The following GRIA2 variants were observed in gnomAD, a reference collection of about 807,000 sequenced individuals.
GRIA2 encodes the protein glutamate receptor 2.
Under a neutral mutation model 97.3 loss-of-function variants are expected in GRIA2, and 14 were observed. The observed-to-expected ratio is 0.14, with a 90% CI of 0.10 to 0.23. GRIA2 has a LOEUF of 0.23. Ranked by LOEUF, GRIA2 falls within the 10% of genes least tolerant of loss-of-function variation. The pLI, the probability that GRIA2 is intolerant of heterozygous loss-of-function variation, is 1.00. For synonymous variants in GRIA2, 412 were observed against 387.8 expected, an observed-to-expected ratio of 1.06 and a Z score of -0.73; for missense variants, 558 against 1,069.8, an observed-to-expected ratio of 0.52 and a Z score of 6.67.
intron 2 of GRIA2, among the ~76,000 whole-genome samples, chr4:157,225,186 A>C (rs1309118216): frequency 1.3e-5 from 2 of 152,056 alleles, no homozygotes; most frequent in Non-Finnish European, 2.9e-5. Flanking sequence ...GGGTAAAATG[A>C]TTGTGTGCAT....
At chr4:157,230,169 G>T (rs988496002) in intron 2 of GRIA2, among the ~76,000 whole-genome samples, 5 of 152,088 alleles carry the variant, frequency 3.3e-5, no homozygotes, top group Admixed American at 3.3e-4. Context: ...AAAATTCTCT[G>T]TATCAAAATA....
chr4:157,361,570 G>A lies in GRIA2; in HGVS notation c.2406+446G>A. On this transcript the variant is annotated intron_variant, in intron 14 of 15. Transcript: ENST00000264426. This position sits in a 1 kb window ranked among gnomAD's most constrained non-coding sequence, Gnocchi z 5.2. ...GTAAATCTTGCAGTATTGAAACTCA[G>A]TGAGCAAGGCGTCTTAGACAAGCTG... 1 of 1,611,568 alleles carries A rather than the reference G, an allele frequency of 6.2e-7. No homozygotes were observed. Among genetic ancestry groups the A allele is most frequent in the Non-Finnish European group, 8.5e-7 (1 of 1,178,024 alleles).
intron 13 of GRIA2, chr4:157,360,550 C>T: frequency 2.5e-6 from 1 of 394,218 alleles, no homozygotes; most frequent in East Asian, 6.9e-5. Context: ...ACTGAAATAA[C>T]TAACTGAGAA....
chr4:157,318,752 T>C (rs1734432257), intron 5 of GRIA2, among the ~76,000 whole-genome samples: 1 of 152,066 alleles, frequency 6.6e-6, no homozygotes, highest in Non-Finnish European at 1.5e-5. Context: ...TCTACACCCC[T>C]GTCTCACCCA....
intron 11 of GRIA2, 116 bp downstream of exon 11, chr4:157,336,863 T>A: frequency 1.1e-6 from 1 of 901,232 alleles, no homozygotes; most frequent in Non-Finnish European, 1.7e-6. Context: ...CCAAGCAGTT[T>A]AAGACTCTTG....
intron 6 of GRIA2, among the ~76,000 whole-genome samples, chr4:157,330,527 C>G (rs1445867336): frequency 1.3e-5 from 2 of 151,840 alleles, no homozygotes; most frequent in East Asian, 3.9e-4. Context: ...GAGCTATACA[C>G]AGAACTTTTT....
chr4:157,297,283 G>T (rs1440048977), intron 2 of GRIA2, among the ~76,000 whole-genome samples: 2 of 152,088 alleles, frequency 1.3e-5, no homozygotes, highest in Admixed American at 6.6e-5. Context: ...AACATTTTTT[G>T]GCCTGAAGAG....
chr4:157,222,876 C>G (rs1268205427), intron 2 of GRIA2, among the ~76,000 whole-genome samples: 1 of 152,234 alleles, frequency 6.6e-6, no homozygotes, highest in Non-Finnish European at 1.5e-5. Flanking sequence ...CTCGCTCCCC[C>G]GCGCAGGCGT....
chr4:157,300,909 G>C (rs1005145664), intron 2 of GRIA2, among the ~76,000 whole-genome samples: 1 of 152,044 alleles, frequency 6.6e-6, no homozygotes, highest in Non-Finnish European at 1.5e-5. Context: ...GAAAATGAAA[G>C]GTATGGCTCC....
Position 157,361,663 on chromosome 4 carries a change from G to C in GRIA2, c.2406+539G>C, listed in dbSNP as rs1486475320. 13 of 1,584,194 alleles carry C rather than the reference G, an allele frequency of 8.2e-6. No homozygotes were observed. Among genetic ancestry groups the C allele is most frequent in the Non-Finnish European group, 1.1e-5 (13 of 1,153,632 alleles). Reference sequence around the variant, plus strand: ...GACTCTGGAAGTAAGGTCAGTTGCTGCAGGTTTTATGTGAAAAAACAAAAT... The same window carrying C: ...GACTCTGGAAGTAAGGTCAGTTGCTCCAGGTTTTATGTGAAAAAACAAAAT... On this transcript the variant is annotated intron_variant, in intron 14 of 15. Transcript: ENST00000264426. The surrounding 1 kb of genome is among the most constrained non-coding windows in gnomAD (Gnocchi z 5.2).
chr4:157,321,344 A>T (rs1303802989), intron 5 of GRIA2, 94 bp from the exon 6 acceptor site: 3 of 853,006 alleles, frequency 3.5e-6, no homozygotes, highest in Non-Finnish European at 5.6e-6. Context: ...TCTTTGAAAT[A>T]TCTAAAACCA....
At position 157,341,447 on chromosome 4, in the gene GRIA2, T is replaced by C. The variant is rs1421856371; in HGVS notation, c.2028T>C (p.Thr676=). The change falls in exon 12 of 16, where the codon ACT becomes ACC. Residue 676 remains threonine, a synonymous_variant. Transcript: ENST00000264426. ...IAYGTLDSGS[T]KEFFRRSKIA... ...ATGGAACATTAGACTCTGGCTCCACTAAAGAGTTTTTCAGGGTAAGAGATT... is the reference window on the plus strand; with the variant it reads ...ATGGAACATTAGACTCTGGCTCCACCAAAGAGTTTTTCAGGGTAAGAGATT... The C allele has an allele frequency of 6.2e-7, 1 of 1,605,992 alleles. No individual in the cohort carries two copies. The highest frequency in any genetic ancestry group is 2.2e-5 in the East Asian group (1 of 44,788).
chr4:157,361,778 A>G lies in GRIA2; in HGVS notation c.2406+654A>G, dbSNP rs1419183617. ...GTAAATGCAAATATGCATGAGATGC[A>G]TAATTTGGTAAGATGTTTTGGTAAT... On this transcript the variant is annotated intron_variant, in intron 14 of 15. Transcript: ENST00000264426. This position sits in a 1 kb window ranked among gnomAD's most constrained non-coding sequence, Gnocchi z 5.2. 8 of 643,662 alleles carry G rather than the reference A, an allele frequency of 1.2e-5. No individual in the cohort carries two copies. The highest frequency in any genetic ancestry group is 2.0e-5 in the South Asian group (1 of 50,602). The allele number at this position is 643,662 out of a possible 1,614,324, so 39.9% of individuals were successfully genotyped here. A position where few individuals can be genotyped will look rare whatever the true frequency, so the allele number is the denominator to read the frequency against.
intron 2 of GRIA2, among the ~76,000 whole-genome samples, chr4:157,250,679 C>A (rs1730980979): frequency 6.6e-6 from 1 of 152,000 alleles, no homozygotes; most frequent in African/African-American, 2.4e-5. Flanking sequence ...AGTTAAAACC[C>A]ACAATTAAAT....
At chr4:157,301,618 G>A (rs1474440144) in intron 2 of GRIA2, among the ~76,000 whole-genome samples, 1 of 152,114 alleles carries the variant, frequency 6.6e-6, no homozygotes, top group African/African-American at 2.4e-5. Context: ...TGATTGTCTA[G>A]AATTGGCAAT....
At chr4:157,227,274 C>T (rs749276656) in intron 2 of GRIA2, among the ~76,000 whole-genome samples, 7 of 152,122 alleles carry the variant, frequency 4.6e-5, no homozygotes, top group Non-Finnish European at 1.0e-4. Context: ...GACATTATGA[C>T]AAGTGGATGC....
At chr4:157,268,635 G>A (rs1185207008) in intron 2 of GRIA2, among the ~76,000 whole-genome samples, 3 of 151,614 alleles carry the variant, frequency 2.0e-5, no homozygotes, top group African/African-American at 7.3e-5. Flanking sequence ...ACTAAGGAAA[G>A]GTAGTATACT....
At chr4:157,322,197 AAG>A (rs942787997) in intron 6 of GRIA2, among the ~76,000 whole-genome samples, 48 of 148,940 alleles carry the variant, frequency 3.2e-4, no homozygotes, top group Non-Finnish European at 3.7e-4. Flanking sequence ...TATGGCCACA[AAG>A]AGAGAGAGAG....
chr4:157,357,375 ATGAAAACATTTTATTAAC>A (rs1736429907), intron 12 of GRIA2, among the ~76,000 whole-genome samples: 1 of 152,126 alleles, frequency 6.6e-6, no homozygotes, highest in Non-Finnish European at 1.5e-5. Flanking sequence ...AGATAGGGTC[ATGAAAACATTTTATTAAC>A]TTTGTTAAAA....
Sources: allele counts gnomAD v4.1 joint callset (sites outside exome capture counted in the v4.1 genomes callset), GRCh38; gene constraint gnomAD v4.1.1; non-coding constraint Gnocchi (gnomAD v3.1); transcripts MANE v1.5; gene names NCBI Gene and HGNC (gene_info 2026-07-23, HGNC 2026-07-21).